Variants in DDT observed in about 807,000 individuals in gnomAD.
The protein encoded by DDT is D-dopachrome tautomerase, also known as D-dopachrome decarboxylase.
In DDT, 4 loss-of-function variants were observed where a neutral mutation model predicts 2.5. The ratio of observed to expected loss-of-function variants is 1.59; its 90% confidence interval spans 0.78 to 3.63. The LOEUF (loss-of-function observed/expected upper bound fraction) is 3.63. DDT is among the 30% of genes most tolerant of loss of function. DDT has a pLI of 0.01. For missense variants in DDT, 32 were observed against 30.0 expected (o/e 1.07, Z -0.15); for synonymous variants, 11 against 10.0 (o/e 1.10, Z -0.19).
chr22:23,975,099 AC>A (rs1304774111), upstream of DDT, among the ~76,000 whole-genome samples: 1 of 149,396 alleles, frequency 6.7e-6, no homozygotes, highest in East Asian at 2.0e-4. Context: ...GTTCTTTAAA[AC>A]ATGGAAAGGC....
In DDT at chr22:23,971,550, A is replaced by G. The variant is rs1289901100; in HGVS notation, c.*1T>C. Reference sequence around the variant, plus strand: ...GATGCCCTGGATCCCTCCGTGCCCAATCATAAAAAAGTCATGACCGTCCCT... The same window carrying G: ...GATGCCCTGGATCCCTCCGTGCCCAGTCATAAAAAAGTCATGACCGTCCCT... On this transcript the variant is annotated 3_prime_UTR_variant, in exon 3 of 3. Transcript: ENST00000398344. 4.3e-6 allele frequency: 7 copies of G among 1,613,958 alleles called. No homozygotes were observed. The highest frequency in any genetic ancestry group is 4.5e-5 in the East Asian group (2 of 44,886).
intron 2 of DDT, chr22:23,972,118 G>T (rs1342054778): frequency 2.5e-5 from 24 of 963,792 alleles, no homozygotes; most frequent in Non-Finnish European, 3.0e-5. Flanking sequence ...TGGTTGGGGC[G>T]GGCGGGAGTA....
intron 2 of DDT, chr22:23,972,043 T>C (rs1218910164): frequency 1.7e-4 from 73 of 434,812 alleles, no homozygotes; most frequent in African/African-American, 2.6e-4. Flanking sequence ...GGGCCATAAG[T>C]GAACATGCCC....
chr22:23,971,916 G>T (rs2033913210), intron 2 of DDT: 1 of 321,414 alleles, frequency 3.1e-6, no homozygotes, highest in Non-Finnish European at 5.6e-6. Context: ...TGTGTACTGA[G>T]GGGTACCCTG....
At chr22:23,973,332 T>C (rs1555894320) in intron 2 of DDT, 4 of 3,488 alleles carry the variant, frequency 1.1e-3, no homozygotes, top group South Asian at 8.1e-3. Context: ...TCCCGTGAAC[T>C]TCACCTGGAA....
Position 23,971,519 on chromosome 22 carries a change from T to C in DDT, c.*32A>G. On this transcript the variant is annotated 3_prime_UTR_variant, in exon 3 of 3. Coordinates refer to ENST00000398344, the MANE Select transcript of DDT (RefSeq NM_001084392.3). ...AGATCTCTCTGGAAGAAGCAGCCAG[T>C]TCACAGATGCCCTGGATCCCTCCGT... 6.2e-7 allele frequency: 1 copy of C among 1,612,598 alleles called. No homozygotes were observed. Among genetic ancestry groups the C allele is most frequent in the Non-Finnish European group, 8.5e-7 (1 of 1,179,090 alleles).
In DDT at chr22:23,971,394, T is replaced by G. The variant is rs755557553; in HGVS notation, c.*157A>C. On this transcript the variant is annotated 3_prime_UTR_variant, in exon 3 of 3. Coordinates refer to ENST00000398344, the MANE Select transcript of DDT (RefSeq NM_001084392.3). ...GTTTGAATGAGGAAGCTCTCTTCATTTATTTCATATGAGGATGAAGAAGAG... is the reference window on the plus strand; with the variant it reads ...GTTTGAATGAGGAAGCTCTCTTCATGTATTTCATATGAGGATGAAGAAGAG... The G allele has an allele frequency of 6.8e-6, 11 of 1,613,652 alleles. No homozygotes were observed. The highest frequency in any genetic ancestry group is 9.3e-6 in the Non-Finnish European group (11 of 1,179,784).
intron 2 of DDT, chr22:23,972,080 G>T: frequency 2.6e-6 from 2 of 768,388 alleles, no homozygotes; most frequent in Non-Finnish European, 3.2e-6. Flanking sequence ...CAAGTTTCCA[G>T]TGAGGAAAAC....
At chr22:23,972,440 C>G (rs1415775634) in intron 2 of DDT, 1 of 144,408 alleles carries the variant, frequency 6.9e-6, no homozygotes, top group African/African-American at 2.6e-5. Flanking sequence ...CACATCCTCT[C>G]ATATACTTTA....
chr22:23,971,817 G>T (rs1006771), intron 2 of DDT, 194 bp from the exon 3 acceptor site: 394,665 of 600,156 alleles, frequency 0.66, 130,583 homozygotes, highest in South Asian at 0.72. Flanking sequence ...AGGTGTGGGA[G>T]GTAGCCGCAC....
intron 2 of DDT, chr22:23,972,050 G>T: frequency 6.5e-6 from 3 of 463,576 alleles, no homozygotes; most frequent in Non-Finnish European, 8.5e-6. Context: ...AAGTGAACAT[G>T]CCCCTCTCAG....
At position 23,971,516 on chromosome 22, in the gene DDT, C is replaced by G; in HGVS notation, c.*35G>C. The G allele has an allele frequency of 6.2e-7, 1 of 1,612,026 alleles. No homozygotes were observed. Among genetic ancestry groups the G allele is most frequent in the Non-Finnish European group, 8.5e-7 (1 of 1,178,718 alleles). Reference sequence around the variant, plus strand: ...AAGAGATCTCTCTGGAAGAAGCAGCCAGTTCACAGATGCCCTGGATCCCTC... The same window carrying G: ...AAGAGATCTCTCTGGAAGAAGCAGCGAGTTCACAGATGCCCTGGATCCCTC... On this transcript the variant is annotated 3_prime_UTR_variant, in exon 3 of 3. Coordinates refer to ENST00000398344, the MANE Select transcript of DDT (RefSeq NM_001084392.3).
In DDT at chr22:23,971,407, G is replaced by A. The variant is rs2033897896; in HGVS notation, c.*144C>T. On this transcript the variant is annotated 3_prime_UTR_variant, in exon 3 of 3. Transcript: ENST00000398344. ...AGCTCTCTTCATTTATTTCATATGA[G>A]GATGAAGAAGAGGATTATGTGATCA... 3 of 1,612,964 alleles carry A rather than the reference G, an allele frequency of 1.9e-6. No individual in the cohort carries two copies. The African/African-American group carries it at 4.0e-5, about 22-fold the overall frequency.
Position 23,971,446 on chromosome 22 carries a change from T to G in DDT, c.*105A>C. 6.2e-7 allele frequency: 1 copy of G among 1,608,694 alleles called. No homozygotes were observed. Among genetic ancestry groups the G allele is most frequent in the Non-Finnish European group, 8.5e-7 (1 of 1,176,570 alleles). Reference sequence around the variant, plus strand: ...ATTATGTGATCACAGGAATGTTGCATGCGGGATAATCCAAAGCTGGTTATC... The same window carrying G: ...ATTATGTGATCACAGGAATGTTGCAGGCGGGATAATCCAAAGCTGGTTATC... On this transcript the variant is annotated 3_prime_UTR_variant, in exon 3 of 3. Coordinates refer to ENST00000398344, the MANE Select transcript of DDT (RefSeq NM_001084392.3).
chr22:23,972,686 G>A (rs2033930292), intron 2 of DDT: 1 of 925,592 alleles, frequency 1.1e-6, no homozygotes, highest in Non-Finnish European at 1.3e-6. Flanking sequence ...GGAGGACCCA[G>A]CAGGATCAGC....
rs1262100345 is a variant in DDT, at chr22:23,971,417, G to A, written c.*134C>T. The A allele has an allele frequency of 1.9e-6, 3 of 1,612,574 alleles. No homozygotes were observed. Among genetic ancestry groups the A allele is most frequent in the Non-Finnish European group, 2.5e-6 (3 of 1,179,196 alleles). ...ATTTATTTCATATGAGGATGAAGAA[G>A]AGGATTATGTGATCACAGGAATGTT... On this transcript the variant is annotated 3_prime_UTR_variant, in exon 3 of 3. Coordinates refer to ENST00000398344, the MANE Select transcript of DDT (RefSeq NM_001084392.3).
intron 2 of DDT, chr22:23,971,855 A>C (rs2033911093): frequency 1.8e-6 from 1 of 546,878 alleles, no homozygotes; most frequent in Admixed American, 3.3e-5. Context: ...ACAGACACAC[A>C]ATACAGTAGC....
At position 23,972,605 on chromosome 22, in the gene DDT, G is replaced by A. The variant is rs1272866377; in HGVS notation, c.285-982C>T. The A allele has an allele frequency of 1.2e-5, 12 of 1,035,010 alleles. No homozygotes were observed. The African/African-American group carries it at 2.1e-4, about 18-fold the overall frequency. The allele number at this position is 1,035,010 out of a possible 1,614,324, so 64.1% of individuals were successfully genotyped here. On this transcript the variant is annotated intron_variant, in intron 2 of 2. Transcript: ENST00000398344. ...TTTTCCTCTAATATTTCAATCCATGGTTGTTTGAATCAACAGATGCGTAAC... is the reference window on the plus strand; with the variant it reads ...TTTTCCTCTAATATTTCAATCCATGATTGTTTGAATCAACAGATGCGTAAC...
intron 2 of DDT, chr22:23,972,067 C>G (rs1472947771): frequency 1.6e-6 from 1 of 637,418 alleles, no homozygotes; most frequent in Non-Finnish European, 2.0e-6. Flanking sequence ...TCAGAGGTAA[C>G]AGCAAGTTTC....
Sources: gnomAD v4.1 joint callset for allele counts (sites outside exome capture counted in the v4.1 genomes callset) on GRCh38, gnomAD v4.1.1 for gene constraint, MANE v1.5 for transcripts, NCBI Gene and HGNC (gene_info 2026-07-23, HGNC 2026-07-21) for gene names.